Variants in PRKCE observed in about 807,000 individuals in gnomAD.
PRKCE encodes the protein protein kinase C epsilon type.
In PRKCE, 16 loss-of-function variants were observed where a neutral mutation model predicts 85.4. That is an observed-to-expected ratio of 0.19 (90% confidence interval 0.13 to 0.28). The LOEUF (loss-of-function observed/expected upper bound fraction) is 0.28. Among genes scored for constraint, PRKCE ranks in the 10% least tolerant of loss-of-function variants. The probability of loss-of-function intolerance (pLI) is 1.00; values close to 1 mark genes in which losing one functional copy is unlikely to be tolerated. For synonymous variants in PRKCE, 388 were observed against 371.5 expected (o/e 1.04, Z -0.51); for missense variants, 573 against 975.2 (o/e 0.59, Z 5.49).
chr2:45,825,971 C>G (rs901305891), intron 1 of PRKCE, among the ~76,000 whole-genome samples: 2 of 152,108 alleles, frequency 1.3e-5, no homozygotes, highest in African/African-American at 4.8e-5. Context: ...TTTGCCATCT[C>G]TTTAGAAGAT....
chr2:45,744,570 C>CT lies in PRKCE; in HGVS notation c.348+92124dup, dbSNP rs1682978683. On this transcript the variant is annotated intron_variant, in intron 1 of 14. Transcript: ENST00000306156. ...TCTTTCTTCCTTCCTTCCTTCCTTC[C>CT]TTCCTTTCTTTTTCTTTCTTTCTTT... 1.9e-5 allele frequency among the ~76,000 whole-genome samples: 2 copies of CT among 106,126 alleles called. 1 individual carries two copies. The highest frequency in any genetic ancestry group is 4.2e-5 in the Non-Finnish European group (2 of 47,268). 69.6% of individuals were successfully genotyped at this position (106,126 alleles called of 152,430 possible).
intron 11 of PRKCE, among the ~76,000 whole-genome samples, chr2:46,112,312 CA>C (rs904941545): frequency 1.3e-5 from 2 of 152,122 alleles, no homozygotes; most frequent in African/African-American, 4.8e-5. Flanking sequence ...TTTTAGAAAA[CA>C]GATAGTGGAG....
At position 46,010,604 on chromosome 2, in the gene PRKCE, C is replaced by T. The variant is rs1038190271; in HGVS notation, c.1437+87C>T. 2.1e-5 allele frequency: 33 copies of T among 1,598,626 alleles called. No homozygotes were observed. In the South Asian group the frequency reaches 3.0e-4, roughly 14 times the overall value. Reference sequence around the variant, plus strand: ...CCAATTTTAGACCCTCTACATTGTTCTCTCAAAGACTTTGTAAAGTGGGAT... The same window carrying T: ...CCAATTTTAGACCCTCTACATTGTTTTCTCAAAGACTTTGTAAAGTGGGAT... On this transcript the variant is annotated intron_variant, in intron 10 of 14. Coordinates refer to ENST00000306156, the MANE Select transcript of PRKCE (RefSeq NM_005400.3).
At chr2:46,179,436 GGATCTGGACT>G (rs1370746005) in intron 14 of PRKCE, among the ~76,000 whole-genome samples, 1 of 152,060 alleles carries the variant, frequency 6.6e-6, no homozygotes, top group Non-Finnish European at 1.5e-5. Flanking sequence ...TCTCTGAGAG[GGATCTGGACT>G]GACCTGAAAC....
At chr2:45,801,168 C>T (rs539910563) in intron 1 of PRKCE, among the ~76,000 whole-genome samples, 2 of 152,080 alleles carry the variant, frequency 1.3e-5, no homozygotes, top group Non-Finnish European at 2.9e-5. Context: ...GAAGAGTTAG[C>T]CACATGTGGG....
rs10532828 is a variant in PRKCE, at chr2:45,681,288, C to CA, written c.348+28870dup. ...TGGGAGACAGAGCAAGACTCTGTCT[C>CA]AAAAAAAAAAAAAAAAAAAAAAAAA... On this transcript the variant is annotated intron_variant, in intron 1 of 14. Coordinates refer to ENST00000306156, the MANE Select transcript of PRKCE (RefSeq NM_005400.3). Among the ~76,000 whole-genome samples, 523 of 61,786 alleles carry CA rather than the reference C, an allele frequency of 8.5e-3. 92 individuals carry two copies. The highest frequency in any genetic ancestry group is 0.026 in the African/African-American group (341 of 13,066). The allele number at this position is 61,786 out of a possible 152,430, so 40.5% of individuals were successfully genotyped here.
At chr2:46,125,555 C>T (rs185982929) in intron 11 of PRKCE, among the ~76,000 whole-genome samples, 5 of 152,262 alleles carry the variant, frequency 3.3e-5, no homozygotes, top group Admixed American at 3.3e-4. Context: ...ATATGGTTAA[C>T]CATACATCAT....
chr2:45,866,853 C>A (rs1051508237), intron 2 of PRKCE, among the ~76,000 whole-genome samples: 1 of 152,202 alleles, frequency 6.6e-6, no homozygotes, highest in African/African-American at 2.4e-5. Context: ...TATTGGCCAG[C>A]ACTGGCACAT....
chr2:45,985,806 A>G (rs1469639484), intron 6 of PRKCE, among the ~76,000 whole-genome samples: 1 of 152,232 alleles, frequency 6.6e-6, no homozygotes, highest in Non-Finnish European at 1.5e-5. Flanking sequence ...ATGGAGCCTG[A>G]GCTGGGGACA....
chr2:46,051,284 G>A (rs1208101351), intron 10 of PRKCE, among the ~76,000 whole-genome samples: 1 of 152,182 alleles, frequency 6.6e-6, no homozygotes, highest in Non-Finnish European at 1.5e-5. Context: ...CCCCTGGGCT[G>A]GTGGTTTCTG....
chr2:45,833,149 A>AAAAG (rs1690575121), intron 1 of PRKCE, among the ~76,000 whole-genome samples: 1 of 151,724 alleles, frequency 6.6e-6, no homozygotes, highest in East Asian at 1.9e-4. Context: ...AAAAAAAAAA[A>AAAAG]AAAAGAAAAG....
At chr2:45,710,899 G>A (rs1004211927) in intron 1 of PRKCE, among the ~76,000 whole-genome samples, 28 of 152,370 alleles carry the variant, frequency 1.8e-4, no homozygotes, top group Non-Finnish European at 3.1e-4. Context: ...TGAACCAGGG[G>A]TGCTGGGAGA....
intron 10 of PRKCE, among the ~76,000 whole-genome samples, chr2:46,020,581 C>T (rs565348440): frequency 6.6e-6 from 1 of 152,286 alleles, no homozygotes; most frequent in South Asian, 2.1e-4. Context: ...GTCTCAGTAA[C>T]ATATTTCATT....
rs1448050575 is a variant in PRKCE, at chr2:46,054,955, G to A, written c.1438-31253G>A. Among the ~76,000 whole-genome samples, 7 of 152,116 alleles carry A rather than the reference G, an allele frequency of 4.6e-5. No homozygotes were observed. The East Asian group carries it at 1.3e-3, about 29-fold the overall frequency. On this transcript the variant is annotated intron_variant, in intron 10 of 14. Coordinates refer to ENST00000306156, the MANE Select transcript of PRKCE (RefSeq NM_005400.3). ...CAGAAAGGAGTCTGGCCATCCCGGGGAAGATCACTTCCCACTCCATCCCCT... is the reference window on the plus strand; with the variant it reads ...CAGAAAGGAGTCTGGCCATCCCGGGAAAGATCACTTCCCACTCCATCCCCT...
At chr2:45,835,395 C>T (rs1411879367) in intron 1 of PRKCE, among the ~76,000 whole-genome samples, 1 of 152,328 alleles carries the variant, frequency 6.6e-6, no homozygotes, top group East Asian at 1.9e-4. Flanking sequence ...AAACTCCCGT[C>T]ACCCAGGACG....
intron 1 of PRKCE, among the ~76,000 whole-genome samples, chr2:45,768,140 C>T (rs758006546): frequency 6.6e-6 from 1 of 152,190 alleles, no homozygotes; most frequent in African/African-American, 2.4e-5. Context: ...CAAGCTTTTC[C>T]CACTCTTCTC....
At chr2:46,103,214 G>A (rs1367975090) in intron 11 of PRKCE, among the ~76,000 whole-genome samples, 1 of 152,172 alleles carries the variant, frequency 6.6e-6, no homozygotes, top group Non-Finnish European at 1.5e-5. Flanking sequence ...AGCTCCATTA[G>A]GTGGCTCCTG....
chr2:46,127,360 T>TTA lies in PRKCE; in HGVS notation c.1593-17724_1593-17723dup, dbSNP rs1219688058. ...AGTAGAAACAGCTGTATAGACTTGTTTATATATATAAAAGAGAGAGCACGC... is the reference window on the plus strand; with the variant it reads ...AGTAGAAACAGCTGTATAGACTTGTTTATATATATATAAAAGAGAGAGCACGC... On this transcript the variant is annotated intron_variant, in intron 11 of 14. Coordinates refer to ENST00000306156, the MANE Select transcript of PRKCE (RefSeq NM_005400.3). 6.6e-5 allele frequency among the ~76,000 whole-genome samples: 10 copies of TTA among 152,294 alleles called. No homozygotes were observed. The East Asian group carries it at 1.9e-3, about 29-fold the overall frequency.
At chr2:45,885,153 C>T (rs559963260) in intron 2 of PRKCE, among the ~76,000 whole-genome samples, 47 of 151,802 alleles carry the variant, frequency 3.1e-4, no homozygotes, top group Admixed American at 1.3e-3. Context: ...TTGAAAGCAG[C>T]TAGTGGCTCA....
Sources: allele counts gnomAD v4.1 joint callset (sites outside exome capture counted in the v4.1 genomes callset), GRCh38; gene constraint gnomAD v4.1.1; transcripts MANE v1.5; gene names NCBI Gene and HGNC (gene_info 2026-07-23, HGNC 2026-07-21).